C1QL4: variants seen among roughly 807,000 people sequenced by gnomAD.
C1QL4 encodes complement C1q-like protein 4.
A neutral mutation model predicts 13.4 loss-of-function variants in C1QL4; 5 were observed. The ratio of observed to expected loss-of-function variants is 0.37; its 90% CI spans 0.19 to 0.78. The LOEUF (loss-of-function observed/expected upper bound fraction) is 0.78. Among genes scored for constraint, C1QL4 ranks in the 30% least tolerant of loss-of-function variants. The pLI is 0.47. For synonymous variants in C1QL4, 168 were observed against 153.9 expected, an observed-to-expected ratio of 1.09 and a Z score of -0.68; for missense variants, 367 against 361.6, an observed-to-expected ratio of 1.01 and a Z score of -0.12.
rs1565675281 is a variant in C1QL4 at position 49,336,091 on chromosome 12, G to A, written c.387C>T (p.Asp129=). Residue 129 remains aspartate, a synonymous_variant, in exon 1 of 2, where the codon GAC becomes GAT. Transcript: ENST00000334221. The surrounding 1 kb of genome is among the most constrained non-coding windows in gnomAD (Gnocchi z 7.7). ...CGTTGCCCACGTTGGTCACCACGTC[G>A]TCGAAGCGCAGCACCTCGTAACCCT... is the stretch of plus-strand genomic sequence containing the variant. ...PHEGYEVLRF[D]DVVTNVGNAY... 12 of 1,612,296 alleles carry A rather than the reference G, an allele frequency of 7.4e-6. No homozygotes were observed. Among genetic ancestry groups the A allele is most frequent in the African/African-American group, 1.3e-5 (1 of 74,906 alleles).
chr12:49,333,217 A>G lies in C1QL4; in HGVS notation c.554T>C (p.Ile185Thr). Residue 185 changes from isoleucine to threonine, a missense_variant, in exon 2 of 2, where the codon ATT (isoleucine) becomes ACT (threonine). By Grantham distance (89) the Ile-to-Thr change is moderately conservative. Coordinates refer to ENST00000334221, the MANE Select transcript of C1QL4 (RefSeq NM_001008223.2). ...MKNGQVRASAIAQDADQNYDY... is the reference protein window; with the variant it reads ...MKNGQVRASATAQDADQNYDY... ...GTAGTTCTGGTCCGCGTCCTGAGCA[A>G]TGGCGCTGGCCCGGACCTATCGAGG... The G allele has an allele frequency of 6.2e-7, 1 of 1,613,888 alleles. No individual in the cohort carries two copies. The highest frequency in any genetic ancestry group is 8.5e-7 in the Non-Finnish European group (1 of 1,179,906).
intron 1 of C1QL4, among the ~76,000 whole-genome samples, chr12:49,333,787 CT>C (rs1565674597): frequency 6.6e-6 from 1 of 151,808 alleles, no homozygotes; most frequent in African/African-American, 2.4e-5. Context: ...ATCCACCCAC[CT>C]CAGCCTCTCA....
In C1QL4 at chr12:49,332,798, A is replaced by G. The variant is rs927743161; in HGVS notation, c.*256T>C. ...AGAGAAAGCCACGACCTCTGCCCCT[A>G]TGGGGTCCAGCGCGCACTTGGGTGC... On this transcript the variant is annotated 3_prime_UTR_variant, in exon 2 of 2. Transcript: ENST00000334221. The G allele has an allele frequency of 4.0e-6, 2 of 498,992 alleles. No individual in the cohort carries two copies. The highest frequency in any genetic ancestry group is 3.6e-5 in the Admixed American group (1 of 27,854). 30.9% of individuals were successfully genotyped at this position (498,992 alleles called of 1,614,324 possible).
Position 49,336,265 on chromosome 12 carries a change from G to C in C1QL4, c.213C>G (p.Pro71=), listed in dbSNP as rs1310721566. ...GRRGKAGLRG[P]PGPPGPRGPP... Reference sequence around the variant, plus strand: ...GCCCTCTTGGACCTGGTGGTCCAGGGGGCCCCCGCAGGCCTGCTTTCCCGC... The same window carrying C: ...GCCCTCTTGGACCTGGTGGTCCAGGCGGCCCCCGCAGGCCTGCTTTCCCGC... The change falls in exon 1 of 2, where the codon CCC becomes CCG. Residue 71 remains proline (P), a synonymous_variant. Transcript: ENST00000334221. The surrounding 1 kb of genome is among the most constrained non-coding windows in gnomAD (Gnocchi z 7.7). 3 of 1,434,952 alleles carry C rather than the reference G, an allele frequency of 2.1e-6. No individual in the cohort carries two copies. The East Asian group carries it at 7.7e-5, about 37-fold the overall frequency. 88.9% of individuals were successfully genotyped at this position (1,434,952 alleles called of 1,614,324 possible). A position where few individuals can be genotyped will look rare whatever the true frequency, so the allele number is the denominator to read the frequency against.
Position 49,336,227 on chromosome 12 carries a change from G to T in C1QL4, c.251C>A (p.Pro84His). Residue 84 changes from proline (P) to histidine (H), a missense_variant, in exon 1 of 2, where the codon CCC becomes CAC. Physicochemically the swap from Pro to His is moderately conservative, Grantham distance 77. Coordinates refer to ENST00000334221, the MANE Select transcript of C1QL4 (RefSeq NM_001008223.2). This position sits in a 1 kb window ranked among gnomAD's most constrained non-coding sequence, Gnocchi z 7.7. ...PPGPRGPPGEPGRPGPPGPPG... is the reference protein window; with the variant it reads ...PPGPRGPPGEHGRPGPPGPPG... ...AGGGCCCGGGGGGCCTGGCCTGCCG[G>T]GTTCTCCTGGGGGCCCTCTTGGACC... is the stretch of plus-strand genomic sequence containing the variant. 1 of 1,488,564 alleles carries T rather than the reference G, an allele frequency of 6.7e-7. No individual in the cohort carries two copies. The highest frequency in any genetic ancestry group is 8.9e-7 in the Non-Finnish European group (1 of 1,123,108). The allele number at this position is 1,488,564 out of a possible 1,614,324, so 92.2% of individuals were successfully genotyped here.
Position 49,336,044 on chromosome 12 carries a change from T to G in C1QL4, c.434A>C (p.Lys145Thr). The change falls in exon 1 of 2, where the codon AAG (lysine) becomes ACG (threonine). Residue 145 changes from lysine to threonine, a missense_variant. Lys to Thr is a moderately conservative substitution (Grantham distance 78). Transcript: ENST00000334221. The surrounding 1 kb of genome is among the most constrained non-coding windows in gnomAD (Gnocchi z 7.7). ...VGNAYEAASG[K>T]FTCPMPGVYF... ...GACGCCTGGCATGGGGCAAGTAAAC[T>G]TGCCGCTGGCTGCCTCGTAGGCGTT... is the stretch of plus-strand genomic sequence containing the variant. The G allele has an allele frequency of 1.2e-6, 2 of 1,612,168 alleles. No homozygotes were observed. The highest frequency in any genetic ancestry group is 2.2e-5 in the East Asian group (1 of 44,862).
Position 49,336,365 on chromosome 12 carries a change from C to A in C1QL4, c.113G>T (p.Arg38Leu). ...AGGCGCGCCGTCGGGACCAGGGCCA[C>A]GGGGCCCATGCGGGTCGCACACCAT... ...CRMVCDPHGPRGPGPDGAPAS... is the reference protein window; with the variant it reads ...CRMVCDPHGPLGPGPDGAPAS... The change falls in exon 1 of 2, where the codon CGT becomes CTT. Residue 38 changes from arginine (R) to leucine (L), a missense_variant. Transcript: ENST00000334221. The surrounding 1 kb of genome is among the most constrained non-coding windows in gnomAD (Gnocchi z 7.7). The A allele has an allele frequency of 6.9e-7, 1 of 1,453,406 alleles. No homozygotes were observed. The highest frequency in any genetic ancestry group is 2.6e-5 in the East Asian group (1 of 38,208). 90.0% of individuals were successfully genotyped at this position (1,453,406 alleles called of 1,614,324 possible). A position where few individuals can be genotyped will look rare whatever the true frequency, so the allele number is the denominator to read the frequency against.
Position 49,336,152 on chromosome 12 carries a change from C to A in C1QL4, c.326G>T (p.Arg109Leu), listed in dbSNP as rs750693181. The A allele has an allele frequency of 6.2e-7, 1 of 1,606,946 alleles. No individual in the cohort carries two copies. Among genetic ancestry groups the A allele is most frequent in the African/African-American group, 1.3e-5 (1 of 74,910 alleles). Residue 109 changes from arginine to leucine, a missense_variant, in exon 1 of 2, where the codon CGC becomes CTC. Transcript: ENST00000334221. The surrounding 1 kb of genome is among the most constrained non-coding windows in gnomAD (Gnocchi z 7.7). The stretch of plus-strand genomic sequence containing the variant: ...CCGCAGGCCCGCGTAGAAAGCAATG[C>A]GAGGCACGTAGCCGGCAGCGGGCGC... ...GVAPAAGYVP[R>L]IAFYAGLRRP...
At chr12:49,334,481 G>A (rs897521042) in intron 1 of C1QL4, among the ~76,000 whole-genome samples, 9 of 152,194 alleles carry the variant, frequency 5.9e-5, no homozygotes, top group Non-Finnish European at 1.0e-4. Context: ...CGGTCGCTTC[G>A]GGCCTTCAGC....
At chr12:49,335,910 C>G in intron 1 of C1QL4, 31 bp downstream of exon 1, 1 of 1,578,990 alleles carries the variant, frequency 6.3e-7, no homozygotes, top group Non-Finnish European at 8.6e-7. Flanking sequence ...AGCGACCAGT[C>G]TGAGCTGGGT....
chr12:49,334,054 G>A (rs1197723133), intron 1 of C1QL4, among the ~76,000 whole-genome samples: 7 of 151,780 alleles, frequency 4.6e-5, no homozygotes, highest in Admixed American at 4.6e-4. Context: ...TTAGCTGGGC[G>A]TGGTGGTACA....
rs369237909 is a variant in C1QL4 at position 49,333,192 on chromosome 12, G to A, written c.579C>T (p.Tyr193=). The change falls in exon 2 of 2, where the codon TAC becomes TAT. Residue 193 remains tyrosine, a synonymous_variant. Transcript: ENST00000334221. ...SAIAQDADQN[Y]DYASNSVILH... is the part of the protein sequence containing the mutation. ...GAATGACGCTGTTGCTGGCGTAGTC[G>A]TAGTTCTGGTCCGCGTCCTGAGCAA... The A allele has an allele frequency of 1.9e-6, 3 of 1,614,002 alleles. No homozygotes were observed. The highest frequency in any genetic ancestry group is 1.1e-5 in the South Asian group (1 of 91,082).
intron 1 of C1QL4, among the ~76,000 whole-genome samples, chr12:49,335,127 T>TA (rs1404485760): frequency 1.3e-5 from 2 of 152,236 alleles, no homozygotes; most frequent in Non-Finnish European, 2.9e-5. Context: ...GAGGCAACAG[T>TA]GACTCCAACT....
chr12:49,335,977 G>T lies in C1QL4; in HGVS notation c.501C>A (p.Gly167=). Residue 167 remains glycine (G), a synonymous_variant, in exon 1 of 2, where the codon GGC becomes GGA. Coordinates refer to ENST00000334221, the MANE Select transcript of C1QL4 (RefSeq NM_001008223.2). ...TCATGAGGTCGGCCCACATGCTGGTGCCGTCGCCGCCGCGCATGAGCACGT... is the reference window on the plus strand; with the variant it reads ...TCATGAGGTCGGCCCACATGCTGGTTCCGTCGCCGCCGCGCATGAGCACGT... ...AYHVLMRGGD[G]TSMWADLMKN... The T allele has an allele frequency of 1.9e-6, 3 of 1,608,026 alleles. 1 individual carries two copies. In the South Asian group the frequency reaches 3.3e-5, roughly 18 times the overall value.
chr12:49,332,790 C>A lies in C1QL4; in HGVS notation c.*264G>T. 2.1e-6 allele frequency: 1 copy of A among 482,494 alleles called. No homozygotes were observed. The highest frequency in any genetic ancestry group is 3.7e-6 in the Non-Finnish European group (1 of 272,018). The allele number at this position is 482,494 out of a possible 1,614,324, so 29.9% of individuals were successfully genotyped here. A position where few individuals can be genotyped will look rare whatever the true frequency, so the allele number is the denominator to read the frequency against. ...TGTACAAAAGAGAAAGCCACGACCT[C>A]TGCCCCTATGGGGTCCAGCGCGCAC... On this transcript the variant is annotated 3_prime_UTR_variant, in exon 2 of 2. Coordinates refer to ENST00000334221, the MANE Select transcript of C1QL4 (RefSeq NM_001008223.2).
In C1QL4 at chr12:49,336,533, G is replaced by T. The variant is rs1393084455; in HGVS notation, c.-56C>A. ...CTTGCGGCGGCTCAGCCGCGACGCTGCCAGGGCCAGCAAATCTTCCTCACT... is the reference window on the plus strand; with the variant it reads ...CTTGCGGCGGCTCAGCCGCGACGCTTCCAGGGCCAGCAAATCTTCCTCACT... On this transcript the variant is annotated 5_prime_UTR_variant, in exon 1 of 2. Transcript: ENST00000334221. The surrounding 1 kb of genome is among the most constrained non-coding windows in gnomAD (Gnocchi z 7.7). 2 of 1,416,666 alleles carry T rather than the reference G, an allele frequency of 1.4e-6. No homozygotes were observed. Among genetic ancestry groups the T allele is most frequent in the Admixed American group, 6.5e-5 (2 of 30,878 alleles). The allele number at this position is 1,416,666 out of a possible 1,614,324, so 87.8% of individuals were successfully genotyped here.
At position 49,336,614 on chromosome 12, in the gene C1QL4, C is replaced by T. The variant is rs1943635853; in HGVS notation, c.-137G>A. Reference sequence around the variant, plus strand: ...TCTCCGCGGGCCAGGAGGCGGTGACCCGCCTTGGGCCTGGGTCTGCACTCC... The same window carrying T: ...TCTCCGCGGGCCAGGAGGCGGTGACTCGCCTTGGGCCTGGGTCTGCACTCC... On this transcript the variant is annotated 5_prime_UTR_variant, in exon 1 of 2. Transcript: ENST00000334221. This position sits in a 1 kb window ranked among gnomAD's most constrained non-coding sequence, Gnocchi z 7.7. 3 of 1,027,914 alleles carry T rather than the reference C, an allele frequency of 2.9e-6. No individual in the cohort carries two copies. The East Asian group carries it at 9.8e-5, about 33-fold the overall frequency. 63.7% of individuals were successfully genotyped at this position (1,027,914 alleles called of 1,614,324 possible).
intron 1 of C1QL4, 92 bp downstream of exon 1, chr12:49,335,849 T>G (rs1943626243): frequency 6.9e-7 from 1 of 1,442,612 alleles, no homozygotes; most frequent in South Asian, 1.3e-5. Flanking sequence ...TCAGTGACGC[T>G]GTTTCGGGGA....
Position 49,336,473 on chromosome 12 carries a change from A to G in C1QL4, c.5T>C (p.Val2Ala), listed in dbSNP as rs1943634372. The G allele has an allele frequency of 5.2e-6, 8 of 1,524,834 alleles. No homozygotes were observed. The highest frequency in any genetic ancestry group is 6.9e-6 in the Non-Finnish European group (8 of 1,151,300). The allele number at this position is 1,524,834 out of a possible 1,614,324, so 94.5% of individuals were successfully genotyped here. M[V>A]LLLLVAIPLL... is the part of the protein sequence containing the mutation. Reference sequence around the variant, plus strand: ...CGGGATGGCCACCAGCAGCAGCAGCACCATGGCCACTCCGACGGCCGCGCC... The same window carrying G: ...CGGGATGGCCACCAGCAGCAGCAGCGCCATGGCCACTCCGACGGCCGCGCC... The change falls in exon 1 of 2, where the codon GTG becomes GCG. Residue 2 changes from valine (V) to alanine (A), a missense_variant. Transcript: ENST00000334221. This position sits in a 1 kb window ranked among gnomAD's most constrained non-coding sequence, Gnocchi z 7.7.
Sources: allele counts gnomAD v4.1 joint callset (sites outside exome capture counted in the v4.1 genomes callset), GRCh38; gene constraint gnomAD v4.1.1; non-coding constraint Gnocchi (gnomAD v3.1); transcripts MANE v1.5; gene names NCBI Gene and HGNC (gene_info 2026-07-23, HGNC 2026-07-21).